SYT7: variants seen among roughly 807,000 people sequenced by gnomAD.
The protein encoded by SYT7 is synaptotagmin-7.
SYT7 carries 29 observed loss-of-function variants against 75.1 expected under a neutral mutation model. That is an observed-to-expected ratio of 0.39 (90% CI 0.29 to 0.53). The LOEUF is 0.53. SYT7 is among the 20% of genes least tolerant of loss of function. SYT7 has a pLI of 0.77. For missense variants in SYT7, 693 were observed against 953.2 expected (o/e 0.73, Z 3.59); for synonymous variants, 376 against 401.7 (o/e 0.94, Z 0.76).
rs959091472 is a variant in SYT7 at position 61,533,354 on chromosome 11, C to T, written c.1065-230G>A. 33 of 985,436 alleles carry T rather than the reference C, an allele frequency of 3.3e-5. No individual in the cohort carries two copies. In the East Asian group the frequency reaches 6.8e-4, roughly 20 times the overall value. The allele number at this position is 985,436 out of a possible 1,614,324, so 61.0% of individuals were successfully genotyped here. On this transcript the variant is annotated intron_variant, in intron 7 of 12. Transcript: ENST00000539008. ...CCCAGGCGACTGTGGCTTAACTACT[C>T]CTATAGGGGATATTTTGGGGGGTGT...
rs772022708 is a variant in SYT7, at chr11:61,528,036, G to A, written c.1350C>T (p.Phe450=). The change falls in exon 9 of 13, where the codon TTC becomes TTT. Residue 450 remains phenylalanine, a synonymous_variant. Transcript: ENST00000539008. ...MKAQELPAKD[F]SGTSDPFVKI... ...TGACGAAGGGGTCGCTGGTGCCGCTGAAGTCCTTGGCCGGCAGCTCCTGGG... is the reference window on the plus strand; with the variant it reads ...TGACGAAGGGGTCGCTGGTGCCGCTAAAGTCCTTGGCCGGCAGCTCCTGGG... 5.0e-5 allele frequency: 81 copies of A among 1,614,060 alleles called. 1 individual carries two copies. In the South Asian group the frequency reaches 7.2e-4, roughly 14 times the overall value.
At chr11:61,550,800 C>T (rs374040553) in intron 3 of SYT7, among the ~76,000 whole-genome samples, 9 of 152,156 alleles carry the variant, frequency 5.9e-5, no homozygotes, top group African/African-American at 1.4e-4. Flanking sequence ...GAGGGCTCTA[C>T]GGCAGAACAA....
intron 3 of SYT7, among the ~76,000 whole-genome samples, chr11:61,549,123 T>C (rs2063275632): frequency 1.3e-5 from 2 of 151,886 alleles, no homozygotes; most frequent in African/African-American, 2.4e-5. Flanking sequence ...AGCCTCTCTT[T>C]CCCGCTCCCT....
At chr11:61,583,425 A>G (rs574486651), upstream of SYT7, among the ~76,000 whole-genome samples, 16 of 152,306 alleles carry the variant, frequency 1.1e-4, no homozygotes, top group South Asian at 2.7e-3. Context: ...GAGTTGACAG[A>G]GAGGACATCT....
rs112517885 is a variant in SYT7, at chr11:61,534,453, G to A, written c.1065-1329C>T. Among the ~76,000 whole-genome samples, 233 of 72,116 alleles carry A rather than the reference G, an allele frequency of 3.2e-3. 4 individuals are homozygous for A. Among genetic ancestry groups the A allele is most frequent in the Middle Eastern group, 0.013 (1 of 80 alleles). 47.3% of individuals were successfully genotyped at this position (72,116 alleles called of 152,430 possible). A position where few individuals can be genotyped will look rare whatever the true frequency, so the allele number is the denominator to read the frequency against. On this transcript the variant is annotated intron_variant, in intron 7 of 12. Coordinates refer to ENST00000539008, the MANE Select transcript of SYT7 (RefSeq NM_001365809.2). ...CACACACGCACACGCACGCACACAC[G>A]CACGTGCGTGCATATGTACACACAC...
intron 1 of SYT7, among the ~76,000 whole-genome samples, chr11:61,558,483 T>TATATACAC (rs1565199244): frequency 1.4e-5 from 2 of 139,366 alleles, no homozygotes; most frequent in African/African-American, 6.1e-5. Flanking sequence ...AAAATATATA[T>TATATACAC]ATACACACAC....
rs967687391 is a variant in SYT7 at position 61,576,680 on chromosome 11, G to A, written c.31+4110C>T. ...AAAACGGTCCATCAGATTCAATAAGGATTCAAAGTCCGTGAGAGAATAGGG... is the reference window on the plus strand; with the variant it reads ...AAAACGGTCCATCAGATTCAATAAGAATTCAAAGTCCGTGAGAGAATAGGG... On this transcript the variant is annotated intron_variant, in intron 1 of 12. Transcript: ENST00000539008. The surrounding 1 kb of genome is among the most constrained non-coding windows in gnomAD (Gnocchi z 4.1). Among the ~76,000 whole-genome samples, 2 of 130,492 alleles carry A rather than the reference G, an allele frequency of 1.5e-5. No individual in the cohort carries two copies. Among genetic ancestry groups the A allele is most frequent in the Admixed American group, 9.0e-5 (1 of 11,170 alleles). The allele number at this position is 130,492 out of a possible 152,430, so 85.6% of individuals were successfully genotyped here. A position where few individuals can be genotyped will look rare whatever the true frequency, so the allele number is the denominator to read the frequency against.
chr11:61,549,081 G>A (rs748266115), intron 3 of SYT7, among the ~76,000 whole-genome samples: 1 of 152,122 alleles, frequency 6.6e-6, no homozygotes, highest in Non-Finnish European at 1.5e-5. Flanking sequence ...GGGCCTCCCT[G>A]CGTCAGGTAT....
At chr11:61,534,293 G>C (rs1374341061) in intron 7 of SYT7, among the ~76,000 whole-genome samples, 1 of 152,236 alleles carries the variant, frequency 6.6e-6, no homozygotes, top group Non-Finnish European at 1.5e-5. Context: ...GACCACGACA[G>C]GCACAGACAG....
At chr11:61,555,243 C>T (rs962830564) in intron 2 of SYT7, among the ~76,000 whole-genome samples, 28 of 152,214 alleles carry the variant, frequency 1.8e-4, no homozygotes, top group Non-Finnish European at 1.5e-5. Context: ...TTGCTAGTGA[C>T]CCTCCTTCAC....
intron 7 of SYT7, 52 bp downstream of exon 7, chr11:61,538,092 C>CCG: frequency 6.5e-7 from 1 of 1,531,614 alleles, no homozygotes. Flanking sequence ...GGCGGCCTCT[C>CCG]CGCGCCTCCT....
chr11:61,567,734 G>A (rs2135409939), intron 1 of SYT7, among the ~76,000 whole-genome samples: 1 of 152,334 alleles, frequency 6.6e-6, no homozygotes, highest in African/African-American at 2.4e-5. Flanking sequence ...GCACCCCGGC[G>A]GGCGCACAGA....
At chr11:61,537,487 C>T (rs568511487) in intron 7 of SYT7, among the ~76,000 whole-genome samples, 44 of 152,322 alleles carry the variant, frequency 2.9e-4, no homozygotes, top group Admixed American at 2.3e-3. Context: ...CGAGGCCAGC[C>T]GCAGTGAAAA....
intron 1 of SYT7, among the ~76,000 whole-genome samples, chr11:61,567,343 G>GCCCCCCC (rs10682064): frequency 9.3e-5 from 14 of 150,750 alleles, no homozygotes; most frequent in African/African-American, 3.5e-4. Flanking sequence ...TGAGCGCCCC[G>GCCCCCCC]CCCCCCAGAG....
At chr11:61,545,889 T>G in intron 5 of SYT7, 142 bp downstream of exon 5, 2 of 690,026 alleles carry the variant, frequency 2.9e-6, no homozygotes, top group Non-Finnish European at 4.6e-6. Context: ...GATGGGAGAG[T>G]CTCATGAAGG....
Position 61,513,885 on chromosome 11 carries a change from G to T in SYT7, c.*4742C>A, listed in dbSNP as rs1396644552. Among the ~76,000 whole-genome samples the T allele has an allele frequency of 2.0e-5, 3 of 152,214 alleles. No homozygotes were observed. Among genetic ancestry groups the T allele is most frequent in the Non-Finnish European group, 4.4e-5 (3 of 68,044 alleles). Reference sequence around the variant, plus strand: ...CTTCACGGGAAACAGATGGTCTGGGGAGCCACGAGCTGGGGCATCGGCGTG... The same window carrying T: ...CTTCACGGGAAACAGATGGTCTGGGTAGCCACGAGCTGGGGCATCGGCGTG... On this transcript the variant is annotated 3_prime_UTR_variant, in exon 13 of 13. Transcript: ENST00000539008.
intron 6 of SYT7, among the ~76,000 whole-genome samples, chr11:61,541,611 G>A (rs1222724381): frequency 6.6e-6 from 1 of 152,096 alleles, no homozygotes; most frequent in East Asian, 1.9e-4. Flanking sequence ...GTCATTACTG[G>A]AGGAAGGAGA....
In SYT7 at chr11:61,546,863, A is replaced by T. The variant is rs1019420497; in HGVS notation, c.347+314T>A. Among the ~76,000 whole-genome samples, 2 of 152,004 alleles carry T rather than the reference A, an allele frequency of 1.3e-5. No individual in the cohort carries two copies. The highest frequency in any genetic ancestry group is 2.9e-5 in the Non-Finnish European group (2 of 68,022). On this transcript the variant is annotated intron_variant, in intron 4 of 12. Transcript: ENST00000539008. This position sits in a 1 kb window ranked among gnomAD's most constrained non-coding sequence, Gnocchi z 7.6. ...GGGCGGGACCCAAACGGGCAACCCC[A>T]TCCTGACTGCACAGAAGGTGGGGTG...
intron 1 of SYT7, among the ~76,000 whole-genome samples, chr11:61,579,083 AG>A (rs1452836245): frequency 6.6e-6 from 1 of 152,058 alleles, no homozygotes; most frequent in Admixed American, 6.5e-5. Flanking sequence ...AGGAAAGAGG[AG>A]GGAGGGAGAG....
Sources: allele counts gnomAD v4.1 joint callset (sites outside exome capture counted in the v4.1 genomes callset), GRCh38; gene constraint gnomAD v4.1.1; non-coding constraint Gnocchi (gnomAD v3.1); transcripts MANE v1.5; gene names NCBI Gene and HGNC (gene_info 2026-07-23, HGNC 2026-07-21).